Variants in BANK1 observed in about 807,000 individuals in gnomAD.
BANK1 encodes the protein B-cell scaffold protein with ankyrin repeats.
BANK1 carries 95 observed loss-of-function variants against 94.5 expected under a neutral mutation model. The observed-to-expected ratio is 1.00, with a 90% CI of 0.85 to 1.19. The LOEUF (loss-of-function observed/expected upper bound fraction) is 1.19, where lower values mean the gene tolerates loss of function less well. BANK1 is among the 50% of genes most tolerant of loss of function. The pLI, the probability that BANK1 is intolerant of heterozygous loss-of-function variation, is 0.00. For synonymous variants in BANK1, 334 were observed against 308.4 expected (o/e 1.08, Z -0.87); for missense variants, 987 against 932.2 (o/e 1.06, Z -0.77).
At chr4:101,823,577 C>T (rs1450174887) in intron 1 of BANK1, among the ~76,000 whole-genome samples, 1 of 152,016 alleles carries the variant, frequency 6.6e-6, no homozygotes, top group Non-Finnish European at 1.5e-5. Context: ...ATGAATGGGC[C>T]AACTAGACAT....
intron 7 of BANK1, among the ~76,000 whole-genome samples, chr4:101,945,915 A>T (rs149523531): frequency 5.9e-5 from 9 of 152,104 alleles, no homozygotes; most frequent in African/African-American, 2.2e-4. Context: ...ATATTACAAA[A>T]TTGGCAAAAA....
intron 1 of BANK1, among the ~76,000 whole-genome samples, chr4:101,802,911 T>C (rs555386517): frequency 6.6e-6 from 1 of 152,318 alleles, no homozygotes; most frequent in African/African-American, 2.4e-5. Context: ...TCCATGGCTT[T>C]ATTCCTTTAG....
chr4:101,951,946 C>T (rs1724174420), intron 7 of BANK1, among the ~76,000 whole-genome samples: 2 of 151,878 alleles, frequency 1.3e-5, no homozygotes, highest in Non-Finnish European at 2.9e-5. Flanking sequence ...TCAGTTATAG[C>T]AAGCAAATGG....
In BANK1 at chr4:102,030,274, CA is replaced by C. The variant is rs753050865; in HGVS notation, c.1900+10del. ...ACCTTACATAGCTCAAGGTAATTAT[CA>C]TTGTTGTTTGTTTACTTGTTAATTT... is the stretch of plus-strand genomic sequence containing the variant. On this transcript the variant is annotated intron_variant, in intron 10 of 16. Transcript: ENST00000322953. 1.1e-5 allele frequency: 17 copies of C among 1,553,170 alleles called. No homozygotes were observed. The highest frequency in any genetic ancestry group is 1.3e-5 in the Non-Finnish European group (15 of 1,156,264).
At chr4:101,921,594 C>A (rs1722999837) in intron 7 of BANK1, among the ~76,000 whole-genome samples, 1 of 151,872 alleles carries the variant, frequency 6.6e-6, no homozygotes, top group Non-Finnish European at 1.5e-5. Flanking sequence ...CATCCATTCC[C>A]ATCCGTTTAG....
At chr4:101,881,285 T>C (rs564115416) in intron 5 of BANK1, among the ~76,000 whole-genome samples, 26 of 151,944 alleles carry the variant, frequency 1.7e-4, no homozygotes, top group Admixed American at 9.8e-4. Context: ...AATAGACATT[T>C]CTCAAAAGAA....
rs559921986 is a variant in BANK1 at position 101,908,666 on chromosome 4, C to T, written c.1010-9327C>T. Among the ~76,000 whole-genome samples, 13 of 151,948 alleles carry T rather than the reference C, an allele frequency of 8.6e-5. No homozygotes were observed. In the East Asian group the frequency reaches 9.7e-4, roughly 11 times the overall value. ...TTTTGCAATCTACTCATCTGACAAACGGTTAATATCCAGAATCTACAATGA... is the reference window on the plus strand; with the variant it reads ...TTTTGCAATCTACTCATCTGACAAATGGTTAATATCCAGAATCTACAATGA... On this transcript the variant is annotated intron_variant, in intron 6 of 16. Coordinates refer to ENST00000322953, the MANE Select transcript of BANK1 (RefSeq NM_017935.5).
intron 7 of BANK1, among the ~76,000 whole-genome samples, chr4:101,925,913 A>G (rs1723137039): frequency 6.6e-6 from 1 of 151,774 alleles, no homozygotes; most frequent in Non-Finnish European, 1.5e-5. Flanking sequence ...TGGTAATTAA[A>G]GCAATCAGTA....
At chr4:101,941,214 G>A (rs994272990) in intron 7 of BANK1, among the ~76,000 whole-genome samples, 2 of 151,636 alleles carry the variant, frequency 1.3e-5, no homozygotes, top group African/African-American at 4.8e-5. Context: ...TGTGTGGTGG[G>A]GCGGGGGTGG....
At chr4:101,850,985 A>G (rs565859272) in intron 2 of BANK1, among the ~76,000 whole-genome samples, 4 of 152,192 alleles carry the variant, frequency 2.6e-5, no homozygotes, top group African/African-American at 7.2e-5. Context: ...GAATAAGCCT[A>G]CAATGGCCTC....
At chr4:101,822,639 A>G (rs904844691) in intron 1 of BANK1, among the ~76,000 whole-genome samples, 1 of 148,240 alleles carries the variant, frequency 6.7e-6, no homozygotes, top group African/African-American at 2.5e-5. Flanking sequence ...TTTTTGAGAC[A>G]GAGTCTCGCT....
intron 7 of BANK1, among the ~76,000 whole-genome samples, chr4:102,007,366 T>C (rs1032976185): frequency 2.0e-5 from 3 of 150,906 alleles, no homozygotes; most frequent in African/African-American, 7.3e-5. Flanking sequence ...ATTACAAACA[T>C]TTGTCAAATA....
chr4:101,858,441 C>T (rs1403667796), intron 3 of BANK1, among the ~76,000 whole-genome samples: 2 of 152,120 alleles, frequency 1.3e-5, no homozygotes, highest in Non-Finnish European at 2.9e-5. Context: ...TCAGCAGTAG[C>T]TCCATCCTAT....
intron 2 of BANK1, among the ~76,000 whole-genome samples, chr4:101,840,523 C>T (rs1396222075): frequency 1.3e-5 from 2 of 151,964 alleles, no homozygotes; most frequent in African/African-American, 4.8e-5. Context: ...GCACCTGGCC[C>T]ACTCAGGGCG....
At chr4:101,843,057 A>G (rs934852976) in intron 2 of BANK1, among the ~76,000 whole-genome samples, 26 of 152,196 alleles carry the variant, frequency 1.7e-4, no homozygotes, top group African/African-American at 6.3e-4. Context: ...TTTAAAGTAA[A>G]TGATTTTCTG....
At chr4:101,907,935 G>A (rs1297483078) in intron 6 of BANK1, among the ~76,000 whole-genome samples, 6 of 152,192 alleles carry the variant, frequency 3.9e-5, no homozygotes, top group Non-Finnish European at 8.8e-5. Context: ...AACATTCCAT[G>A]CTCATGGGTA....
At chr4:101,979,508 A>G (rs1273578698) in intron 7 of BANK1, among the ~76,000 whole-genome samples, 1 of 151,984 alleles carries the variant, frequency 6.6e-6, no homozygotes, top group African/African-American at 2.4e-5. Context: ...TTTTGAGAAT[A>G]AGTTGTTTTC....
intron 7 of BANK1, among the ~76,000 whole-genome samples, chr4:101,944,509 T>A (rs1723866817): frequency 6.6e-6 from 1 of 151,890 alleles, no homozygotes; most frequent in Non-Finnish European, 1.5e-5. Flanking sequence ...TTACATTAGT[T>A]CCCCTGTTAG....
intron 7 of BANK1, among the ~76,000 whole-genome samples, chr4:101,963,775 T>C (rs982976933): frequency 2.0e-5 from 3 of 152,010 alleles, no homozygotes; most frequent in African/African-American, 7.2e-5. Flanking sequence ...CCCGAGGCCT[T>C]TTCTCGCACC....
Sources: gnomAD v4.1 joint callset for allele counts (sites outside exome capture counted in the v4.1 genomes callset) on GRCh38, gnomAD v4.1.1 for gene constraint, MANE v1.5 for transcripts, NCBI Gene and HGNC (gene_info 2026-07-23, HGNC 2026-07-21) for gene names.